Variants in KLRG1 observed in about 807,000 individuals in gnomAD.
KLRG1 encodes killer cell lectin like receptor G1.
Under a neutral mutation model 21.8 loss-of-function variants are expected in KLRG1, and 16 were observed. That is an observed-to-expected ratio of 0.73 (90% CI 0.50 to 1.11). The LOEUF (loss-of-function observed/expected upper bound fraction) is 1.11, where lower values mean the gene tolerates loss of function less well. KLRG1 is among the 50% of genes most tolerant of loss of function. The pLI is 0.00. For synonymous variants in KLRG1, 69 were observed against 75.9 expected (o/e 0.91, Z 0.47); for missense variants, 173 against 218.3 (o/e 0.79, Z 1.31).
chr12:9,118,594 A>G, the KLRG1 span, among the ~76,000 whole-genome samples: 2 of 152,136 alleles, frequency 1.3e-5, no homozygotes, highest in Admixed American at 6.5e-5. Flanking sequence ...TAGTTAAGCC[A>G]TTGTATTTTG....
At chr12:9,091,503 A>G in the KLRG1 span, 3 of 1,492,398 alleles carry the variant, frequency 2.0e-6, no homozygotes, top group Non-Finnish European at 2.8e-6. Flanking sequence ...AATCCCTAGG[A>G]ATGATTCTAC....
At chr12:9,057,559 T>G in the KLRG1 span, 1 of 152,592 alleles carries the variant, frequency 6.6e-6, no homozygotes, top group Non-Finnish European at 1.5e-5. Context: ...TTATTTTATT[T>G]TTCCATCAAA....
chr12:8,985,453 T>C (rs1183160093), upstream of KLRG1, among the ~76,000 whole-genome samples: 1 of 152,188 alleles, frequency 6.6e-6, no homozygotes, highest in Admixed American at 6.5e-5. Context: ...CGACATTATC[T>C]ACCTGGAGAT....
the KLRG1 span, among the ~76,000 whole-genome samples, chr12:9,057,318 A>G: frequency 6.6e-6 from 1 of 152,158 alleles, no homozygotes; most frequent in East Asian, 1.9e-4. Flanking sequence ...ATTTGTACAC[A>G]TGGACATAGA....
intron 1 of KLRG1, among the ~76,000 whole-genome samples, chr12:8,962,139 A>T (rs1430855848): frequency 6.6e-6 from 1 of 152,146 alleles, no homozygotes; most frequent in Non-Finnish European, 1.5e-5. Context: ...GGAGAAAAAA[A>T]ATTAATAGAA....
chr12:9,107,856 C>A, the KLRG1 span, among the ~76,000 whole-genome samples: 1 of 152,066 alleles, frequency 6.6e-6, no homozygotes, highest in Non-Finnish European at 1.5e-5. Flanking sequence ...CTTCTTTTAT[C>A]ATTTCTTTTT....
the KLRG1 span, among the ~76,000 whole-genome samples, chr12:9,048,968 C>G: frequency 6.6e-6 from 1 of 152,162 alleles, no homozygotes; most frequent in African/African-American, 2.4e-5. Flanking sequence ...GGCAGGGTTA[C>G]CTGGCTTTTG....
chr12:8,969,599 A>ATCT (rs1946535123), intron 1 of KLRG1, among the ~76,000 whole-genome samples: 1 of 152,166 alleles, frequency 6.6e-6, no homozygotes, highest in Non-Finnish European at 1.5e-5. Context: ...AAGAGGAGGA[A>ATCT]ATTACACTTA....
At chr12:9,208,488 A>C in the KLRG1 span, 58 of 608,864 alleles carry the variant, frequency 9.5e-5, no homozygotes, top group Non-Finnish European at 1.5e-4. Flanking sequence ...AATTGAGCAC[A>C]GATTCCCTAA....
the KLRG1 span, among the ~76,000 whole-genome samples, chr12:9,096,573 G>C: frequency 2.0e-4 from 31 of 152,252 alleles, no homozygotes; most frequent in Non-Finnish European, 4.1e-4. Flanking sequence ...AACTTTAACC[G>C]TAAAATTCTA....
the KLRG1 span, among the ~76,000 whole-genome samples, chr12:9,123,017 C>T: frequency 3.3e-5 from 5 of 152,034 alleles, no homozygotes; most frequent in African/African-American, 9.7e-5. Flanking sequence ...GTGGTATAGA[C>T]TGCTAACATA....
At chr12:9,099,239 T>C in the KLRG1 span, 17 of 748,234 alleles carry the variant, frequency 2.3e-5, no homozygotes, top group Non-Finnish European at 3.6e-5. Context: ...CTTCTTAGTG[T>C]GACTCTGCCA....
At chr12:9,123,849 T>TG in the KLRG1 span, among the ~76,000 whole-genome samples, 1 of 151,990 alleles carries the variant, frequency 6.6e-6, no homozygotes, top group African/African-American at 2.4e-5. Flanking sequence ...AATGGCTTTT[T>TG]TTTTTTCGCG....
the KLRG1 span, among the ~76,000 whole-genome samples, chr12:9,125,154 A>G: frequency 6.6e-6 from 1 of 152,230 alleles, no homozygotes; most frequent in Non-Finnish European, 1.5e-5. Context: ...AGGAGCAAGG[A>G]GCACCCGCTC....
intron 1 of KLRG1, among the ~76,000 whole-genome samples, chr12:8,983,172 A>G (rs1425619918): frequency 6.6e-6 from 1 of 151,920 alleles, no homozygotes; most frequent in Non-Finnish European, 1.5e-5. Context: ...ATGTACTTAT[A>G]TATTTACCAT....
the KLRG1 span, chr12:9,168,901 G>A: frequency 6.2e-7 from 1 of 1,613,998 alleles, no homozygotes. Context: ...TGCTCCTGCA[G>A]ACACGGAAGG....
the KLRG1 span, among the ~76,000 whole-genome samples, chr12:9,043,866 A>G: frequency 1.3e-5 from 2 of 152,236 alleles, no homozygotes; most frequent in Non-Finnish European, 2.9e-5. Flanking sequence ...TAACAAGCCA[A>G]GCTACTCTGT....
At chr12:9,165,507 A>C in the KLRG1 span, 5 of 934,954 alleles carry the variant, frequency 5.3e-6, no homozygotes, top group African/African-American at 1.7e-5. Context: ...TGTGAACACT[A>C]GATTATGTCC....
At chr12:9,083,389 A>C in the KLRG1 span, among the ~76,000 whole-genome samples, 1 of 152,074 alleles carries the variant, frequency 6.6e-6, no homozygotes, top group African/African-American at 2.4e-5. Context: ...TAAAGTATAA[A>C]AAAAAAAGAA....
Sources: allele counts gnomAD v4.1 joint callset (sites outside exome capture counted in the v4.1 genomes callset), GRCh38; gene constraint gnomAD v4.1.1; transcripts MANE v1.5; gene names NCBI Gene and HGNC (gene_info 2026-07-23, HGNC 2026-07-21).